Variants in HCN1 observed in about 807,000 individuals in gnomAD.
HCN1 encodes the protein hyperpolarization activated cyclic nucleotide gated potassium channel 1, also known as potassium/sodium hyperpolarization-activated cyclic nucleotide-gated channel 1.
In HCN1, 13 loss-of-function variants were observed where a neutral mutation model predicts 78.9. The ratio of observed to expected loss-of-function variants is 0.16; its 90% confidence interval spans 0.11 to 0.26. The LOEUF (loss-of-function observed/expected upper bound fraction) is 0.26, where lower values mean the gene tolerates loss of function less well. Ranked by LOEUF, HCN1 falls within the 10% of genes least tolerant of loss-of-function variation. HCN1 has a pLI of 1.00. For missense variants in HCN1, 810 were observed against 1,154.3 expected (o/e 0.70, Z 4.32); for synonymous variants, 552 against 455.5 (o/e 1.21, Z -2.70).
chr5:45,396,787 G>T, intron 3 of HCN1, 77 bp from the exon 4 acceptor site: 1 of 1,066,442 alleles, frequency 9.4e-7, no homozygotes, highest in Non-Finnish European at 1.5e-6. Context: ...CCTGTACACA[G>T]AAGCATTATA....
chr5:45,629,952 C>T (rs920389684), intron 2 of HCN1, among the ~76,000 whole-genome samples: 2 of 152,068 alleles, frequency 1.3e-5, no homozygotes, highest in African/African-American at 4.8e-5. Flanking sequence ...AGGTTGAGTT[C>T]ACTTACAAAA....
intron 3 of HCN1, among the ~76,000 whole-genome samples, chr5:45,409,156 G>T (rs1739981335): frequency 6.6e-6 from 1 of 151,940 alleles, no homozygotes; most frequent in Non-Finnish European, 1.5e-5. Context: ...TATATAAAAG[G>T]CTGCTATATT....
chr5:45,517,537 A>C (rs1207583132), intron 2 of HCN1, among the ~76,000 whole-genome samples: 1 of 150,782 alleles, frequency 6.6e-6, no homozygotes, highest in Non-Finnish European at 1.5e-5. Flanking sequence ...AAAAAAAAAA[A>C]AAAAAAACAT....
chr5:45,285,309 C>T lies in HCN1; in HGVS notation c.1619-18056G>A, dbSNP rs576242333. 1.3e-4 allele frequency among the ~76,000 whole-genome samples: 20 copies of T among 152,012 alleles called. No homozygotes were observed. The South Asian group carries it at 4.1e-3, about 32-fold the overall frequency. On this transcript the variant is annotated intron_variant, in intron 6 of 7. Transcript: ENST00000303230. Reference sequence around the variant, plus strand: ...CACATGGCTAATGCAAAGAATTGAACAATAAATCCAAAATATCTTTCTAAA... The same window carrying T: ...CACATGGCTAATGCAAAGAATTGAATAATAAATCCAAAATATCTTTCTAAA...
intron 2 of HCN1, among the ~76,000 whole-genome samples, chr5:45,497,030 T>C (rs2111719173): frequency 6.6e-6 from 1 of 152,340 alleles, no homozygotes; most frequent in East Asian, 1.9e-4. Flanking sequence ...AGATTCTTAA[T>C]CCTGAGTTCT....
chr5:45,298,866 T>A (rs1579789695), intron 6 of HCN1, among the ~76,000 whole-genome samples: 1 of 152,024 alleles, frequency 6.6e-6, no homozygotes, highest in East Asian at 1.9e-4. Context: ...CTAACTCAAG[T>A]TAGATGATTA....
intron 2 of HCN1, among the ~76,000 whole-genome samples, chr5:45,632,240 T>C (rs1745280919): frequency 6.6e-6 from 1 of 151,968 alleles, no homozygotes; most frequent in Admixed American, 6.6e-5. Context: ...AGCCTGAGTC[T>C]CTGAAATAGG....
chr5:45,584,452 C>G (rs1235717317), intron 2 of HCN1, among the ~76,000 whole-genome samples: 1 of 152,084 alleles, frequency 6.6e-6, no homozygotes, highest in Non-Finnish European at 1.5e-5. Flanking sequence ...TTCCTGAATA[C>G]AGCACACTGA....
chr5:45,516,220 C>A (rs1231215535), intron 2 of HCN1, among the ~76,000 whole-genome samples: 1 of 151,912 alleles, frequency 6.6e-6, no homozygotes, highest in African/African-American at 2.4e-5. Flanking sequence ...AGGCCCAGTT[C>A]ACATCTTCTC....
chr5:45,331,507 T>C (rs1410570710), intron 5 of HCN1, among the ~76,000 whole-genome samples: 1 of 151,290 alleles, frequency 6.6e-6, no homozygotes, highest in African/African-American at 2.4e-5. Context: ...TTATCTAATA[T>C]TGTTTATTTC....
At chr5:45,592,466 G>A (rs2111946165) in intron 2 of HCN1, among the ~76,000 whole-genome samples, 1 of 152,116 alleles carries the variant, frequency 6.6e-6, no homozygotes, top group South Asian at 2.1e-4. Context: ...AATAATAGAT[G>A]ATACTAATTA....
At chr5:45,452,481 A>G (rs1234245996) in intron 3 of HCN1, among the ~76,000 whole-genome samples, 1 of 151,788 alleles carries the variant, frequency 6.6e-6, no homozygotes, top group Non-Finnish European at 1.5e-5. Context: ...AACAGCAAAC[A>G]CTTCTAAAAA....
rs1434546231 is a variant in HCN1, at chr5:45,581,383, T to C, written c.849+63802A>G. ...GATGGGGTTGTTTGTTTTTTTCTTG[T>C]AAATTTCTTTGAGTTCTTTGTAGAT... On this transcript the variant is annotated intron_variant, in intron 2 of 7. Coordinates refer to ENST00000303230, the MANE Select transcript of HCN1 (RefSeq NM_021072.4). 3.9e-5 allele frequency among the ~76,000 whole-genome samples: 6 copies of C among 152,304 alleles called. No individual in the cohort carries two copies. The East Asian group carries it at 7.7e-4, about 20-fold the overall frequency.
At chr5:45,473,025 C>A (rs1042121093) in intron 2 of HCN1, among the ~76,000 whole-genome samples, 1 of 151,852 alleles carries the variant, frequency 6.6e-6, no homozygotes, top group African/African-American at 2.4e-5. Flanking sequence ...AAATGCCTAA[C>A]CTTTACAGAG....
chr5:45,647,581 T>A (rs139593499), intron 1 of HCN1, among the ~76,000 whole-genome samples: 2 of 152,136 alleles, frequency 1.3e-5, no homozygotes, highest in Non-Finnish European at 2.9e-5. Flanking sequence ...TTGTAACTGA[T>A]GACCCCAAAA....
At chr5:45,391,108 G>A (rs1169884625) in intron 4 of HCN1, among the ~76,000 whole-genome samples, 2 of 152,074 alleles carry the variant, frequency 1.3e-5, no homozygotes, top group African/African-American at 4.8e-5. Context: ...AAGGTACTAT[G>A]TGGGAGTTGT....
Position 45,257,809 on chromosome 5 carries a change from A to G in HCN1, c.*4112T>C, listed in dbSNP as rs1579759172. The G allele has an allele frequency of 6.6e-6, 1 of 152,126 alleles. No homozygotes were observed. The highest frequency in any genetic ancestry group is 1.9e-4 in the East Asian group (1 of 5,184). The allele number at this position is 152,126 out of a possible 1,614,324, so 9.4% of individuals were successfully genotyped here. A position where few individuals can be genotyped will look rare whatever the true frequency, so the allele number is the denominator to read the frequency against. Reference sequence around the variant, plus strand: ...TAACCATATTGAATACAGTTATAGAACTGTATTTTATTTATTTGTATGTGC... The same window carrying G: ...TAACCATATTGAATACAGTTATAGAGCTGTATTTTATTTATTTGTATGTGC... On this transcript the variant is annotated 3_prime_UTR_variant, in exon 8 of 8. Transcript: ENST00000303230.
intron 2 of HCN1, among the ~76,000 whole-genome samples, chr5:45,466,548 T>A (rs1474640275): frequency 6.6e-6 from 1 of 152,154 alleles, no homozygotes; most frequent in Non-Finnish European, 1.5e-5. Context: ...GTTAGATTCT[T>A]CTGTTTCTCT....
rs191336692 is a variant in HCN1, at chr5:45,555,252, A to G, written c.849+89933T>C. 4.0e-4 allele frequency among the ~76,000 whole-genome samples: 61 copies of G among 152,030 alleles called. 1 individual carries two copies. Among genetic ancestry groups the G allele is most frequent in the African/African-American group, 1.3e-3 (56 of 41,546 alleles). On this transcript the variant is annotated intron_variant, in intron 2 of 7. Coordinates refer to ENST00000303230, the MANE Select transcript of HCN1 (RefSeq NM_021072.4). ...TAGCATTTCTATATGCCAACAGTGA[A>G]CAATATGAAAAAGAAATAAAAAAAG... is the stretch of plus-strand genomic sequence containing the variant.
Sources: gnomAD v4.1 joint callset for allele counts (sites outside exome capture counted in the v4.1 genomes callset) on GRCh38, gnomAD v4.1.1 for gene constraint, MANE v1.5 for transcripts, NCBI Gene and HGNC (gene_info 2026-07-23, HGNC 2026-07-21) for gene names.